The following LMNTD1 variants were observed in gnomAD, a reference collection of about 807,000 sequenced individuals.
LMNTD1 encodes lamin tail domain containing 1, also known as lamin tail domain-containing protein 1.
LMNTD1 carries 35 observed loss-of-function variants against 50.9 expected under a neutral mutation model. That is an observed-to-expected ratio of 0.69 (90% CI 0.53 to 0.91). LMNTD1 has a LOEUF of 0.91. Ranked by LOEUF, LMNTD1 falls within the 40% of genes least tolerant of loss-of-function variation. LMNTD1 has a pLI of 0.00. For synonymous variants in LMNTD1, 153 were observed against 161.9 expected (o/e 0.94, Z 0.42); for missense variants, 470 against 475.5 (o/e 0.99, Z 0.11).
At chr12:25,496,420 A>G (rs538646758) in intron 9 of LMNTD1, among the ~76,000 whole-genome samples, 1 of 152,286 alleles carries the variant, frequency 6.6e-6, no homozygotes, top group South Asian at 2.1e-4. Context: ...CCATGAACAA[A>G]ACGGAACAGT....
At chr12:25,607,820 G>T (rs893797834) in intron 1 of LMNTD1, among the ~76,000 whole-genome samples, 11 of 152,194 alleles carry the variant, frequency 7.2e-5, no homozygotes, top group Admixed American at 6.5e-4. Flanking sequence ...GTTGATTGGG[G>T]GTGGAGAGTT....
chr12:25,581,105 T>G (rs1488725283), intron 1 of LMNTD1, among the ~76,000 whole-genome samples: 1 of 152,218 alleles, frequency 6.6e-6, no homozygotes, highest in African/African-American at 2.4e-5. Context: ...TTATATTTCC[T>G]GGAAGCATCC....
In LMNTD1 at chr12:25,527,721, T is replaced by C. The variant is rs1415110688; in HGVS notation, c.492-766A>G. Among the ~76,000 whole-genome samples, 138 of 117,330 alleles carry C rather than the reference T, an allele frequency of 1.2e-3. 1 individual carries two copies. Among genetic ancestry groups the C allele is most frequent in the African/African-American group, 3.2e-3 (102 of 31,950 alleles). 77.0% of individuals were successfully genotyped at this position (117,330 alleles called of 152,430 possible). On this transcript the variant is annotated intron_variant, in intron 4 of 9. Coordinates refer to ENST00000458174, the MANE Select transcript of LMNTD1 (RefSeq NM_001145728.2). ...ACACACACACACACACACACACACA[T>C]ATACACACATATATATACATATATA...
At chr12:25,570,582 T>C (rs533452354) in intron 1 of LMNTD1, among the ~76,000 whole-genome samples, 6 of 152,210 alleles carry the variant, frequency 3.9e-5, no homozygotes, top group Admixed American at 3.9e-4. Context: ...GATGAACTAA[T>C]TGGCTGAGGC....
intron 8 of LMNTD1, among the ~76,000 whole-genome samples, chr12:25,515,841 A>C (rs1262347153): frequency 6.6e-6 from 1 of 152,124 alleles, no homozygotes; most frequent in African/African-American, 2.4e-5. Context: ...TTTCTATCTA[A>C]GATTCTTCTG....
intron 9 of LMNTD1, among the ~76,000 whole-genome samples, chr12:25,495,510 G>A (rs1306413894): frequency 6.6e-6 from 1 of 152,110 alleles, no homozygotes; most frequent in African/African-American, 2.4e-5. Context: ...AGAGGGCGAT[G>A]ATGAAGTGGC....
intron 4 of LMNTD1, among the ~76,000 whole-genome samples, chr12:25,531,807 A>T (rs1942244677): frequency 6.6e-6 from 1 of 152,108 alleles, no homozygotes; most frequent in Admixed American, 6.6e-5. Flanking sequence ...TTCGTCTCTT[A>T]TACTTATTTA....
intron 9 of LMNTD1, among the ~76,000 whole-genome samples, chr12:25,484,550 T>C (rs893558528): frequency 6.6e-6 from 1 of 151,654 alleles, no homozygotes. Context: ...CATGTGCACA[T>C]TGTGCAGGTT....
At chr12:25,605,126 T>G (rs1592096176) in intron 1 of LMNTD1, among the ~76,000 whole-genome samples, 1 of 152,138 alleles carries the variant, frequency 6.6e-6, no homozygotes, top group African/African-American at 2.4e-5. Context: ...TCATGTGTTT[T>G]TTGGCTGCAT....
intron 1 of LMNTD1, among the ~76,000 whole-genome samples, chr12:25,563,874 C>T (rs1380511538): frequency 1.3e-5 from 2 of 152,190 alleles, no homozygotes; most frequent in South Asian, 2.1e-4. Flanking sequence ...CTCGCTGCCA[C>T]CTTGCAGTTC....
chr12:25,554,197 A>G (rs1184896259), upstream of LMNTD1, among the ~76,000 whole-genome samples: 1 of 152,256 alleles, frequency 6.6e-6, no homozygotes, highest in East Asian at 1.9e-4. Context: ...ACTTACGCTT[A>G]GTAAAGAATT....
At chr12:25,478,747 T>C (rs1254515519) in intron 9 of LMNTD1, among the ~76,000 whole-genome samples, 2 of 152,134 alleles carry the variant, frequency 1.3e-5, no homozygotes, top group Non-Finnish European at 2.9e-5. Flanking sequence ...GACTGTGCCA[T>C]TGCACTCCAG....
At chr12:25,594,664 A>AAAAAAAAAAAAAAAC (rs1945799794) in intron 1 of LMNTD1, among the ~76,000 whole-genome samples, 1 of 150,534 alleles carries the variant, frequency 6.6e-6, no homozygotes, top group African/African-American at 2.4e-5. Flanking sequence ...AAAAAAAAAA[A>AAAAAAAAAAAAAAAC]AAAAAAAAAA....
intron 9 of LMNTD1, among the ~76,000 whole-genome samples, chr12:25,485,179 T>A (rs1275803327): frequency 1.4e-5 from 2 of 144,602 alleles, no homozygotes; most frequent in Admixed American, 6.9e-5. Context: ...GTTTCCTGAC[T>A]TTTTAATGAT....
chr12:25,553,134 A>G lies in LMNTD1; in HGVS notation c.-96T>C, dbSNP rs1943872167. 1.2e-6 allele frequency: 2 copies of G among 1,611,858 alleles called. No homozygotes were observed. The highest frequency in any genetic ancestry group is 4.5e-5 in the East Asian group (2 of 44,870). On this transcript the variant is annotated 5_prime_UTR_variant, in exon 1 of 10. Coordinates refer to ENST00000458174, the MANE Select transcript of LMNTD1 (RefSeq NM_001145728.2). ...AATTTCTTTACCAAACTAGTACCAG[A>G]ACCACAATTCTCATGAGGATATGTA...
intron 4 of LMNTD1, among the ~76,000 whole-genome samples, chr12:25,542,142 A>C (rs1457837516): frequency 6.6e-6 from 1 of 151,684 alleles, no homozygotes; most frequent in Admixed American, 6.6e-5. Flanking sequence ...AACTAGTTCA[A>C]CCATTGTGGA....
chr12:25,533,302 T>C (rs1471734219), intron 4 of LMNTD1, among the ~76,000 whole-genome samples: 1 of 152,144 alleles, frequency 6.6e-6, no homozygotes, highest in African/African-American at 2.4e-5. Context: ...CCTCTACTTA[T>C]AATTTGTGAT....
intron 1 of LMNTD1, among the ~76,000 whole-genome samples, chr12:25,578,354 G>A (rs1272523991): frequency 6.6e-6 from 1 of 152,240 alleles, no homozygotes; most frequent in East Asian, 1.9e-4. Context: ...GCTGTAGGTT[G>A]GAAAATAGTG....
At chr12:25,487,672 T>C (rs1463356534) in intron 9 of LMNTD1, among the ~76,000 whole-genome samples, 1 of 130,710 alleles carries the variant, frequency 7.7e-6, no homozygotes, top group African/African-American at 2.9e-5. Context: ...TTTGATCCTG[T>C]CATTATGATG....
Sources: allele counts gnomAD v4.1 joint callset (sites outside exome capture counted in the v4.1 genomes callset), GRCh38; gene constraint gnomAD v4.1.1; transcripts MANE v1.5; gene names NCBI Gene and HGNC (gene_info 2026-07-23, HGNC 2026-07-21).